Variants in ZMYND12 observed in about 807,000 individuals in gnomAD.
ZMYND12 encodes zinc finger MYND-type containing 12.
A neutral mutation model predicts 41.7 loss-of-function variants in ZMYND12; 32 were observed. That is an observed-to-expected ratio of 0.77 (90% CI 0.58 to 1.03). The LOEUF (loss-of-function observed/expected upper bound fraction) is 1.03, where lower values mean the gene tolerates loss of function less well. Among genes scored for constraint, ZMYND12 ranks in the 50% least tolerant of loss-of-function variants. The probability of loss-of-function intolerance (pLI) is 0.00; values close to 1 mark genes in which losing one functional copy is unlikely to be tolerated. For missense variants in ZMYND12, 424 were observed against 438.5 expected (o/e 0.97, Z 0.30); for synonymous variants, 148 against 164.8 (o/e 0.90, Z 0.78).
At chr1:42,454,533 C>A (rs143517856) in intron 1 of ZMYND12, among the ~76,000 whole-genome samples, 1 of 152,250 alleles carries the variant, frequency 6.6e-6, no homozygotes, top group Non-Finnish European at 1.5e-5. Context: ...TCTGTATCTG[C>A]CACACTGCAG....
chr1:42,454,331 A>G (rs775369117), intron 1 of ZMYND12, among the ~76,000 whole-genome samples: 1 of 152,238 alleles, frequency 6.6e-6, no homozygotes, highest in Non-Finnish European at 1.5e-5. Flanking sequence ...AAACACAGAT[A>G]CCATCCCTGC....
chr1:42,455,395 C>G (rs11210648), intron 1 of ZMYND12, among the ~76,000 whole-genome samples: 52,003 of 152,228 alleles, frequency 0.34, 9,449 homozygotes, highest in East Asian at 0.59. Context: ...GCTTCAGCCT[C>G]CCGAGTAGCT....
chr1:42,452,488 G>C, intron 1 of ZMYND12, among the ~76,000 whole-genome samples: 1 of 152,116 alleles, frequency 6.6e-6, no homozygotes, highest in East Asian at 1.9e-4. Flanking sequence ...GGATCACAAG[G>C]TCAGGAATTC....
intron 1 of ZMYND12, 86 bp from the exon 2 acceptor site, chr1:42,450,145 C>A: frequency 6.6e-7 from 1 of 1,505,404 alleles, no homozygotes; most frequent in South Asian, 1.2e-5. Flanking sequence ...TATCCCTAGA[C>A]ACCAGAAAAG....
In ZMYND12 at chr1:42,430,663, G is replaced by C; in HGVS notation, c.*73C>G. On this transcript the variant is annotated 3_prime_UTR_variant, in exon 8 of 8. Coordinates refer to ENST00000372565, the MANE Select transcript of ZMYND12 (RefSeq NM_032257.5). Reference sequence around the variant, plus strand: ...CAGCAGTCTACAGTACCTCAAAGCAGTTGTGCAAGGCTGGAATATATTAGA... The same window carrying C: ...CAGCAGTCTACAGTACCTCAAAGCACTTGTGCAAGGCTGGAATATATTAGA... The C allele has an allele frequency of 6.3e-7, 1 of 1,582,670 alleles. No individual in the cohort carries two copies. Among genetic ancestry groups the C allele is most frequent in the African/African-American group, 1.3e-5 (1 of 74,578 alleles).
At position 42,442,449 on chromosome 1, in the gene ZMYND12, G is replaced by A. The variant is rs146229609; in HGVS notation, c.425-2424C>T. 1.6e-4 allele frequency among the ~76,000 whole-genome samples: 24 copies of A among 152,310 alleles called. No individual in the cohort carries two copies. The East Asian group carries it at 4.1e-3, about 26-fold the overall frequency. ...AAGCCACATTTATTGCTAATATTTA[G>A]ATACTCTTGACACTTAAAGCTTTTT... On this transcript the variant is annotated intron_variant, in intron 3 of 7. Transcript: ENST00000372565.
At chr1:42,446,004 A>G (rs1643020312) in intron 3 of ZMYND12, among the ~76,000 whole-genome samples, 1 of 152,162 alleles carries the variant, frequency 6.6e-6, no homozygotes, top group Admixed American at 6.5e-5. Flanking sequence ...ACAGTCTGGA[A>G]TGGGGTGTCA....
Position 42,433,214 on chromosome 1 carries a change from C to A in ZMYND12, c.904G>T (p.Ala302Ser), listed in dbSNP as rs1642872706. 1 of 1,612,138 alleles carries A rather than the reference C, an allele frequency of 6.2e-7. No individual in the cohort carries two copies. The highest frequency in any genetic ancestry group is 1.3e-5 in the African/African-American group (1 of 74,738). ...LNIRESTSDK[A>S]PQKTIFVLKI... ...AGAACAAAGATGGTTTTTTGGGGGG[C>A]TTTGTCAGATGTAGATTCTCGAATG... Residue 302 changes from alanine (A) to serine (S), a missense_variant, in exon 7 of 8, where the codon GCC (alanine) becomes TCC (serine). Coordinates refer to ENST00000372565, the MANE Select transcript of ZMYND12 (RefSeq NM_032257.5).
At chr1:42,431,506 A>C (rs1642849108) in intron 7 of ZMYND12, among the ~76,000 whole-genome samples, 1 of 152,216 alleles carries the variant, frequency 6.6e-6, no homozygotes. Flanking sequence ...GGGGGTTTGC[A>C]GTTTTAGACA....
chr1:42,436,436 G>T lies in ZMYND12; in HGVS notation c.702C>A (p.Asp234Glu). ...FYDLKKLDLADTLYTKVSEIW... is the reference protein window; with the variant it reads ...FYDLKKLDLAETLYTKVSEIW... ...CCCAGCTCACCTTGGTGTACAATGT[G>T]TCTGCCAGGTCCAACTTTTTAAGGT... The change falls in exon 5 of 8, where the codon GAC (aspartate) becomes GAA (glutamate). Residue 234 changes from aspartate to glutamate, a missense_variant. Coordinates refer to ENST00000372565, the MANE Select transcript of ZMYND12 (RefSeq NM_032257.5). 6.2e-7 allele frequency: 1 copy of T among 1,613,424 alleles called. No individual in the cohort carries two copies. The highest frequency in any genetic ancestry group is 1.7e-5 in the Admixed American group (1 of 60,022).
chr1:42,455,537 G>A (rs553735899), intron 1 of ZMYND12, among the ~76,000 whole-genome samples: 1 of 152,222 alleles, frequency 6.6e-6, no homozygotes, highest in African/African-American at 2.4e-5. Flanking sequence ...GCCTCCCGAA[G>A]TGCTGGGATT....
intron 4 of ZMYND12, among the ~76,000 whole-genome samples, chr1:42,436,857 A>G (rs1164072018): frequency 1.3e-5 from 2 of 152,104 alleles, no homozygotes; most frequent in African/African-American, 4.8e-5. Context: ...ACCCTCACAC[A>G]TTGCCAATGG....
intron 7 of ZMYND12, 129 bp from the exon 8 acceptor site, chr1:42,430,987 T>G: frequency 4.7e-6 from 6 of 1,285,968 alleles, no homozygotes; most frequent in South Asian, 1.4e-5. Flanking sequence ...CACTGAGCTC[T>G]TGTTGATAAA....
At chr1:42,444,055 G>T (rs1328315302) in intron 3 of ZMYND12, among the ~76,000 whole-genome samples, 1 of 152,070 alleles carries the variant, frequency 6.6e-6, no homozygotes, top group African/African-American at 2.4e-5. Context: ...AAGAGATGAG[G>T]TCTTGCTAGG....
Position 42,455,911 on chromosome 1 carries a change from C to A in ZMYND12, c.87G>T (p.Ala29=), listed in dbSNP as rs757598869. The part of the protein sequence containing the change: ...VCEAPAERVC[A]ACTVTYYCGV... ...ACCAGTAATAAGTGACTGTGCAGGC[C>A]GCGCACACCCGCTCGGCTGGGGCTT... Residue 29 remains alanine, a synonymous_variant, in exon 1 of 8, where the codon GCG becomes GCT. Transcript: ENST00000372565. 2.5e-6 allele frequency: 4 copies of A among 1,613,192 alleles called. No individual in the cohort carries two copies. In the Admixed American group the frequency reaches 6.7e-5, roughly 27 times the overall value.
At chr1:42,437,531 A>T (rs867385417) in intron 4 of ZMYND12, among the ~76,000 whole-genome samples, 11 of 124,150 alleles carry the variant, frequency 8.9e-5, no homozygotes, top group African/African-American at 1.9e-4. Flanking sequence ...TTTTTTTTTT[A>T]AAGACAGAGT....
intron 1 of ZMYND12, among the ~76,000 whole-genome samples, chr1:42,450,463 T>C (rs1233341698): frequency 3.9e-5 from 6 of 152,226 alleles, no homozygotes; most frequent in Admixed American, 2.0e-4. Context: ...TCAATTTTGT[T>C]GGTCTTTTCA....
intron 6 of ZMYND12, among the ~76,000 whole-genome samples, chr1:42,434,330 T>C (rs1374039880): frequency 6.6e-6 from 1 of 152,144 alleles, no homozygotes; most frequent in Non-Finnish European, 1.5e-5. Flanking sequence ...ACTGAGAAGC[T>C]CACTGTTCAG....
At chr1:42,437,613 A>G in intron 4 of ZMYND12, among the ~76,000 whole-genome samples, 1 of 151,512 alleles carries the variant, frequency 6.6e-6, no homozygotes. Flanking sequence ...CCCGGGTTCA[A>G]GTGATTCTTT....
Sources: allele counts gnomAD v4.1 joint callset (sites outside exome capture counted in the v4.1 genomes callset), GRCh38; gene constraint gnomAD v4.1.1; transcripts MANE v1.5; gene names NCBI Gene and HGNC (gene_info 2026-07-23, HGNC 2026-07-21).